The following EYA1 variants were observed in gnomAD, a reference collection of about 807,000 sequenced individuals.
The protein encoded by EYA1 is protein phosphatase EYA1.
A neutral mutation model predicts 82.0 loss-of-function variants in EYA1; 16 were observed. That is an observed-to-expected ratio of 0.20 (90% CI 0.13 to 0.30). The LOEUF is 0.30. Ranked by LOEUF, EYA1 falls within the 10% of genes least tolerant of loss-of-function variation. The pLI, the probability that EYA1 is intolerant of heterozygous loss-of-function variation, is 1.00. For synonymous variants in EYA1, 261 were observed against 264.4 expected, an observed-to-expected ratio of 0.99 and a Z score of 0.12; for missense variants, 633 against 730.7, an observed-to-expected ratio of 0.87 and a Z score of 1.54.
At chr8:71,416,208 T>C (rs1830846737) in intron 2 of EYA1, among the ~76,000 whole-genome samples, 1 of 152,228 alleles carries the variant, frequency 6.6e-6, no homozygotes, top group African/African-American at 2.4e-5. Flanking sequence ...TCTGCCTTGC[T>C]TCTGGCAGGG....
At chr8:71,427,201 A>G (rs1217973106) in intron 2 of EYA1, among the ~76,000 whole-genome samples, 1 of 152,024 alleles carries the variant, frequency 6.6e-6, no homozygotes, top group African/African-American at 2.4e-5. Context: ...CTTTTTGGAT[A>G]TTGATGTTGG....
chr8:71,448,009 C>CT (rs548078514), intron 2 of EYA1, among the ~76,000 whole-genome samples: 8,400 of 70,788 alleles, frequency 0.12, 1,477 homozygotes, highest in African/African-American at 0.42. Context: ...TGTTTAAGAG[C>CT]TTTTTTTTTT....
At chr8:71,277,114 CATTTTT>C (rs1563383038) in intron 9 of EYA1, among the ~76,000 whole-genome samples, 12 of 90,668 alleles carry the variant, frequency 1.3e-4, no homozygotes, top group Admixed American at 3.2e-4. Context: ...TGGCTTCACA[CATTTTT>C]TTTTTTTTTT....
chr8:71,245,125 G>A (rs553603840), intron 11 of EYA1, among the ~76,000 whole-genome samples: 20 of 152,304 alleles, frequency 1.3e-4, no homozygotes, highest in South Asian at 1.0e-3. Flanking sequence ...ACTATAGCAA[G>A]CTTGCCCAAC....
chr8:71,365,062 ATG>A (rs1213284006), upstream of EYA1, among the ~76,000 whole-genome samples: 1 of 149,550 alleles, frequency 6.7e-6, no homozygotes, highest in Non-Finnish European at 1.5e-5. Flanking sequence ...ATGTATATAT[ATG>A]TGAGAGAGAG....
At chr8:71,543,662 C>A (rs1815330501) in intron 1 of EYA1, among the ~76,000 whole-genome samples, 1 of 152,030 alleles carries the variant, frequency 6.6e-6, no homozygotes, top group South Asian at 2.1e-4. Context: ...AGATTTATTC[C>A]TACTTGAGTA....
chr8:71,279,502 G>A (rs1293034284), intron 9 of EYA1, among the ~76,000 whole-genome samples: 1 of 152,224 alleles, frequency 6.6e-6, no homozygotes, highest in Non-Finnish European at 1.5e-5. Flanking sequence ...TAGGGAAGCA[G>A]ATGCATCAAA....
intron 1 of EYA1, among the ~76,000 whole-genome samples, chr8:71,544,525 AAAGCCCTCTTCTCT>A (rs1815400192): frequency 6.6e-6 from 1 of 152,198 alleles, no homozygotes; most frequent in South Asian, 2.1e-4. Context: ...TAGAATCATC[AAAGCCCTCTTCTCT>A]AAGGTCAATT....
chr8:71,248,502 A>G (rs1303849721), intron 11 of EYA1, among the ~76,000 whole-genome samples: 1 of 152,204 alleles, frequency 6.6e-6, no homozygotes, highest in Non-Finnish European at 1.5e-5. Context: ...GTCTCAATCT[A>G]CAGTTTGAAA....
intron 12 of EYA1, among the ~76,000 whole-genome samples, chr8:71,226,904 A>G (rs888702563): frequency 1.1e-4 from 17 of 152,022 alleles, no homozygotes; most frequent in African/African-American, 3.9e-4. Flanking sequence ...CCAAATGCAC[A>G]GCTTTATTTA....
At chr8:71,497,138 C>T (rs1811473617) in intron 2 of EYA1, among the ~76,000 whole-genome samples, 1 of 152,178 alleles carries the variant, frequency 6.6e-6, no homozygotes, top group Non-Finnish European at 1.5e-5. Flanking sequence ...TTTGGCTTCC[C>T]TGGCCCACAA....
chr8:71,397,151 C>A (rs1174834157), intron 2 of EYA1, among the ~76,000 whole-genome samples: 1 of 152,148 alleles, frequency 6.6e-6, no homozygotes, highest in African/African-American at 2.4e-5. Flanking sequence ...GTAGATCTTT[C>A]TCCATCCCTT....
At chr8:71,492,465 A>ATTT (rs200187985) in intron 2 of EYA1, among the ~76,000 whole-genome samples, 1 of 119,578 alleles carries the variant, frequency 8.4e-6, no homozygotes, top group African/African-American at 3.2e-5. Context: ...TTTATTTATT[A>ATTT]TTATTTTTTT....
intron 2 of EYA1, among the ~76,000 whole-genome samples, chr8:71,513,664 G>T (rs968333150): frequency 6.6e-6 from 1 of 151,938 alleles, no homozygotes. Flanking sequence ...ATTGACTATA[G>T]TCACCCTGTT....
Position 71,325,210 on chromosome 8 carries a change from G to A in EYA1, c.203-2942C>T, listed in dbSNP as rs193248136. ...TACTTTTATGTCTGATTTGGTTGTTGTTCACACTAGACTCATTTTCCTTGT... is the reference window on the plus strand; with the variant it reads ...TACTTTTATGTCTGATTTGGTTGTTATTCACACTAGACTCATTTTCCTTGT... On this transcript the variant is annotated intron_variant, in intron 4 of 17. Coordinates refer to ENST00000340726, the MANE Select transcript of EYA1 (RefSeq NM_000503.6). Among the ~76,000 whole-genome samples the A allele has an allele frequency of 3.5e-4, 53 of 152,204 alleles. 1 individual carries two copies. The highest frequency in any genetic ancestry group is 1.2e-3 in the African/African-American group (51 of 41,514).
In EYA1 at chr8:71,374,899, T is replaced by A. The variant is rs747171906; in HGVS notation, c.34-18388A>T. ...GTGAAATAAGCCAGACACAGAAAGA[T>A]AACTACTGCATGATCTTATTTATAT... On this transcript the variant is annotated intron_variant, in intron 2 of 18. Transcript: ENST00000643681. Among the ~76,000 whole-genome samples the A allele has an allele frequency of 1.6e-3, 246 of 152,206 alleles. 4 individuals are homozygous for A. The highest frequency in any genetic ancestry group is 4.0e-4 in the Non-Finnish European group (27 of 68,022).
intron 2 of EYA1, among the ~76,000 whole-genome samples, chr8:71,415,414 A>C (rs954950199): frequency 6.6e-6 from 1 of 152,226 alleles, no homozygotes; most frequent in Non-Finnish European, 1.5e-5. Flanking sequence ...CTGCCATGTT[A>C]CAGGTTCCCA....
intron 11 of EYA1, among the ~76,000 whole-genome samples, chr8:71,261,162 A>T (rs1008047676): frequency 7.9e-5 from 12 of 152,094 alleles, no homozygotes; most frequent in Admixed American, 1.3e-4. Flanking sequence ...TTGTTTTTTT[A>T]AAAAATAAAA....
intron 2 of EYA1, among the ~76,000 whole-genome samples, chr8:71,371,335 T>TA (rs1235489229): frequency 6.6e-6 from 1 of 152,194 alleles, no homozygotes; most frequent in Admixed American, 6.5e-5. Context: ...TCTTCCTCCA[T>TA]AACTTTTCCT....
Sources: gnomAD v4.1 joint callset for allele counts (sites outside exome capture counted in the v4.1 genomes callset) on GRCh38, gnomAD v4.1.1 for gene constraint, MANE v1.5 for transcripts, NCBI Gene and HGNC (gene_info 2026-07-23, HGNC 2026-07-21) for gene names.